The following RGS6 variants were observed in gnomAD, a reference collection of about 807,000 sequenced individuals.
The protein encoded by RGS6 is regulator of G-protein signaling 6.
In RGS6, 30 loss-of-function variants were observed where a neutral mutation model predicts 78.5. The ratio of observed to expected loss-of-function variants is 0.38; its 90% CI spans 0.29 to 0.52. The LOEUF (loss-of-function observed/expected upper bound fraction) is 0.52, where lower values mean the gene tolerates loss of function less well. Among genes scored for constraint, RGS6 ranks in the 20% least tolerant of loss-of-function variants. RGS6 has a pLI of 0.85. For synonymous variants in RGS6, 206 were observed against 206.0 expected, an observed-to-expected ratio of 1.00 and a Z score of 0.00; for missense variants, 495 against 609.7, an observed-to-expected ratio of 0.81 and a Z score of 1.98.
At chr14:71,916,787 G>A in the RGS6 span, among the ~76,000 whole-genome samples, 2 of 152,162 alleles carry the variant, frequency 1.3e-5, no homozygotes, top group African/African-American at 4.8e-5. Context: ...GTAGGGCAAA[G>A]GGTAAAGGAC....
At chr14:72,175,632 G>C (rs1308313303) in intron 2 of RGS6, among the ~76,000 whole-genome samples, 1 of 152,154 alleles carries the variant, frequency 6.6e-6, no homozygotes, top group Non-Finnish European at 1.5e-5. Flanking sequence ...GGAACACAGT[G>C]GTTTAGGATG....
At chr14:72,569,349 G>T (rs117256408), downstream of RGS6, among the ~76,000 whole-genome samples, 1 of 151,992 alleles carries the variant, frequency 6.6e-6, no homozygotes, top group Non-Finnish European at 1.5e-5. Context: ...GAAGCTGCTG[G>T]TTTGTTTTCT....
rs1354523299 is a variant in RGS6 at position 71,990,027 on chromosome 14, A to C, written c.84+25152A>C. 2.6e-5 allele frequency among the ~76,000 whole-genome samples: 4 copies of C among 152,186 alleles called. No individual in the cohort carries two copies. The East Asian group carries it at 7.7e-4, about 29-fold the overall frequency. On this transcript the variant is annotated intron_variant, in intron 2 of 17. Coordinates refer to ENST00000553525, the MANE Select transcript of RGS6 (RefSeq NM_001204424.2). ...ACAGTTCTGCAGGTGTACAAGAAGC[A>C]TGGCACCGGCATCAACATGTCAGAG...
chr14:72,373,976 A>G (rs974639208), intron 3 of RGS6, among the ~76,000 whole-genome samples: 2 of 152,208 alleles, frequency 1.3e-5, no homozygotes, highest in Admixed American at 1.3e-4. Context: ...TTGTAATTAT[A>G]GATATAAACA....
chr14:71,874,016 C>G, the RGS6 span, among the ~76,000 whole-genome samples: 1 of 152,156 alleles, frequency 6.6e-6, no homozygotes, highest in Admixed American at 6.5e-5. Flanking sequence ...TGTTTTGGTA[C>G]CAACACCATG....
the RGS6 span, among the ~76,000 whole-genome samples, chr14:71,879,198 T>G: frequency 6.6e-6 from 1 of 152,250 alleles, no homozygotes; most frequent in African/African-American, 2.4e-5. Context: ...TATTTTCATT[T>G]GCCCTCTTTG....
At chr14:72,500,424 G>C (rs147237480) in intron 13 of RGS6, among the ~76,000 whole-genome samples, 3 of 152,298 alleles carry the variant, frequency 2.0e-5, no homozygotes, top group African/African-American at 4.8e-5. Flanking sequence ...CCAGCCAAGG[G>C]ATGGTTTCTG....
At chr14:72,039,278 G>T (rs768600109) in intron 2 of RGS6, among the ~76,000 whole-genome samples, 2 of 152,144 alleles carry the variant, frequency 1.3e-5, no homozygotes, top group Admixed American at 6.5e-5. Context: ...TCCTTGTCCT[G>T]TACCCGCAAA....
chr14:71,918,184 C>CAAAAAAAAAAAAAAAAAAAAAAA, the RGS6 span, among the ~76,000 whole-genome samples: 1 of 33,692 alleles, frequency 3.0e-5, no homozygotes. Flanking sequence ...ACTCCAGTCT[C>CAAAAAAAAAAAAAAAAAAAAAAA]AAAAAAAAAA....
upstream of RGS6, among the ~76,000 whole-genome samples, chr14:71,929,089 T>A (rs1164856543): frequency 6.6e-6 from 1 of 152,236 alleles, no homozygotes; most frequent in Non-Finnish European, 1.5e-5. Flanking sequence ...GATGCCCCTT[T>A]ACCACTTCAT....
In RGS6 at chr14:72,352,172, CA is replaced by C; in HGVS notation, c.166del (p.Ile56SerfsTer15). On this transcript the variant is annotated frameshift_variant, in exon 3 of 18. Coordinates refer to ENST00000553525, the MANE Select transcript of RGS6 (RefSeq NM_001204424.2). LOFTEE classifies it high-confidence loss of function. ...PIRTVKSFLSKIPSVVTGTDI... is the reference protein window; with the variant it reads ...PIRTVKSFLSXIPSVVTGTDI... The stretch of plus-strand genomic sequence containing the variant: ...TCAGAACAGTCAAGAGCTTTCTCTC[CA>C]AAATCCCCAGTGTCGTCACAGGTAA... 2 of 1,613,146 alleles carry C rather than the reference CA, an allele frequency of 1.2e-6. No individual in the cohort carries two copies. Among genetic ancestry groups the C allele is most frequent in the Non-Finnish European group, 1.7e-6 (2 of 1,179,512 alleles).
chr14:72,591,134 C>T, the RGS6 span, among the ~76,000 whole-genome samples: 2 of 152,166 alleles, frequency 1.3e-5, no homozygotes, highest in South Asian at 4.1e-4. Flanking sequence ...TATTTTGCCC[C>T]TTCTTTATAC....
chr14:72,623,080 TA>T, the RGS6 span, among the ~76,000 whole-genome samples: 1 of 152,254 alleles, frequency 6.6e-6, no homozygotes, highest in African/African-American at 2.4e-5. Flanking sequence ...AAAACATATA[TA>T]CTTGTTACCA....
chr14:72,339,601 T>C (rs1331337452), intron 2 of RGS6, among the ~76,000 whole-genome samples: 1 of 152,018 alleles, frequency 6.6e-6, no homozygotes, highest in Non-Finnish European at 1.5e-5. Flanking sequence ...AGTGGGGCAA[T>C]GCAGAGGACA....
At chr14:72,000,219 G>T (rs17105606) in intron 2 of RGS6, among the ~76,000 whole-genome samples, 20,386 of 152,274 alleles carry the variant, frequency 0.13, 1,672 homozygotes, top group East Asian at 0.2. Context: ...TCAGGCGGTT[G>T]TTGTAATATC....
At chr14:72,413,587 G>A (rs1216041732) in intron 3 of RGS6, among the ~76,000 whole-genome samples, 1 of 152,150 alleles carries the variant, frequency 6.6e-6, no homozygotes, top group Non-Finnish European at 1.5e-5. Context: ...ATATTGTTAT[G>A]TGTGAATTTG....
At chr14:72,078,283 A>C (rs1455568843) in intron 2 of RGS6, among the ~76,000 whole-genome samples, 10 of 152,032 alleles carry the variant, frequency 6.6e-5, no homozygotes, top group Non-Finnish European at 1.5e-4. Flanking sequence ...CCATAATTCT[A>C]AGTTTCCTGA....
intron 1 of RGS6, among the ~76,000 whole-genome samples, chr14:71,950,380 C>G (rs185961662): frequency 6.6e-6 from 1 of 152,254 alleles, no homozygotes; most frequent in African/African-American, 2.4e-5. Context: ...ATGCAGCAAA[C>G]TGAAACTGGA....
chr14:71,952,666 AT>A (rs2092435535), intron 1 of RGS6, among the ~76,000 whole-genome samples: 1 of 151,950 alleles, frequency 6.6e-6, no homozygotes, highest in South Asian at 2.1e-4. Flanking sequence ...TTATGAAAAG[AT>A]TTTCTTTTGT....
Sources: gnomAD v4.1 joint callset for allele counts (sites outside exome capture counted in the v4.1 genomes callset) on GRCh38, gnomAD v4.1.1 for gene constraint, MANE v1.5 for transcripts, NCBI Gene and HGNC (gene_info 2026-07-23, HGNC 2026-07-21) for gene names.